The following SEZ6L variants were observed in gnomAD, a reference collection of about 807,000 sequenced individuals.
SEZ6L encodes the protein seizure related 6 homolog like.
SEZ6L carries 37 observed loss-of-function variants against 106.2 expected under a neutral mutation model. The ratio of observed to expected loss-of-function variants is 0.35; its 90% confidence interval spans 0.27 to 0.46. The LOEUF (loss-of-function observed/expected upper bound fraction) is 0.46. Ranked by LOEUF, SEZ6L falls within the 20% of genes least tolerant of loss-of-function variation. SEZ6L has a pLI of 1.00. For missense variants in SEZ6L, 1,172 were observed against 1,332.8 expected (o/e 0.88, Z 1.88); for synonymous variants, 541 against 570.4 (o/e 0.95, Z 0.73).
At chr22:26,269,566 A>C (rs1386292690) in intron 1 of SEZ6L, among the ~76,000 whole-genome samples, 1 of 152,232 alleles carries the variant, frequency 6.6e-6, no homozygotes, top group Non-Finnish European at 1.5e-5. Flanking sequence ...TCTTCGACGC[A>C]CCAGCTCCCG....
At chr22:26,352,239 A>G (rs141580516) in intron 12 of SEZ6L, among the ~76,000 whole-genome samples, 1 of 152,104 alleles carries the variant, frequency 6.6e-6, no homozygotes, top group East Asian at 1.9e-4. Flanking sequence ...GTCATTGCAT[A>G]AGGAAAGCAT....
intron 1 of SEZ6L, among the ~76,000 whole-genome samples, chr22:26,179,634 A>C (rs1412509401): frequency 6.6e-6 from 1 of 152,168 alleles, no homozygotes; most frequent in Non-Finnish European, 1.5e-5. Context: ...TAGAACAAAG[A>C]CTCATTCAGG....
intron 1 of SEZ6L, among the ~76,000 whole-genome samples, chr22:26,224,635 A>G (rs2078582836): frequency 6.6e-6 from 1 of 152,194 alleles, no homozygotes; most frequent in Admixed American, 6.5e-5. Context: ...CAGAGGTTTG[A>G]CATAGGATTA....
At position 26,381,132 on chromosome 22, in the gene SEZ6L, CA is replaced by C. The variant is rs1160610694; in HGVS notation, c.*838del. On this transcript the variant is annotated 3_prime_UTR_variant, in exon 17 of 17. Coordinates refer to ENST00000248933, the MANE Select transcript of SEZ6L (RefSeq NM_021115.5). ...TTATGCTACAAGTGCCAGAATCGAT[CA>C]CCATGTTCAGCAAGCCACTCTCAAG... 2.0e-5 allele frequency: 3 copies of C among 152,054 alleles called. No homozygotes were observed. The highest frequency in any genetic ancestry group is 4.4e-5 in the Non-Finnish European group (3 of 68,012). The allele number at this position is 152,054 out of a possible 1,614,324, so 9.4% of individuals were successfully genotyped here.
Position 26,292,529 on chromosome 22 carries a change from C to T in SEZ6L, c.218C>T (p.Ser73Phe). The T allele has an allele frequency of 1.2e-6, 2 of 1,613,886 alleles. No homozygotes were observed. The change falls in exon 2 of 17, where the codon TCC becomes TTC. Residue 73 changes from serine (S) to phenylalanine (F), a missense_variant. This residue lies in a region of SEZ6L where 494 missense variants were observed against 445.8 expected (regional missense o/e 1.11). Coordinates refer to ENST00000248933, the MANE Select transcript of SEZ6L (RefSeq NM_021115.5). ...AGAGTGGTAACAGCGCCCCCCAGTT[C>T]CTCACAGTCGGCGGAAGTGCTGGGC... ...EERVVTAPPS[S>F]SQSAEVLGEL...
chr22:26,328,527 T>C (rs901808957), intron 9 of SEZ6L, among the ~76,000 whole-genome samples: 1 of 152,180 alleles, frequency 6.6e-6, no homozygotes, highest in Non-Finnish European at 1.5e-5. Context: ...GACAGCCGTC[T>C]TTGTAGGCAA....
chr22:26,309,909 A>G (rs1211496217), intron 6 of SEZ6L, among the ~76,000 whole-genome samples: 2 of 89,574 alleles, frequency 2.2e-5, no homozygotes, highest in Non-Finnish European at 5.3e-5. Context: ...TACCCATTTT[A>G]CAGATGAGAA....
chr22:26,364,776 A>G (rs1328060456), intron 12 of SEZ6L: 1 of 153,558 alleles, frequency 6.5e-6, no homozygotes, highest in African/African-American at 2.4e-5. Context: ...GGAGAAACTA[A>G]GAAGACTGAC....
chr22:26,319,969 T>C (rs1434856081), intron 9 of SEZ6L, among the ~76,000 whole-genome samples: 1 of 152,102 alleles, frequency 6.6e-6, no homozygotes, highest in South Asian at 2.1e-4. Flanking sequence ...GTCAGAAAAA[T>C]ATGGAAAGAC....
Position 26,292,876 on chromosome 22 carries a change from A to C in SEZ6L, c.565A>C (p.Lys189Gln). Residue 189 changes from lysine to glutamine, a missense_variant, in exon 2 of 17, where the codon AAG becomes CAG. Physicochemically the swap from Lys to Gln is moderately conservative, Grantham distance 53. Around this residue, in one of 4 missense-constraint regions of SEZ6L, gnomAD observed 494 missense variants for 445.8 expected, o/e 1.11. Transcript: ENST00000248933. ...ASEVPLWLDR[K>Q]ESAVPTTPAP... ...AGAAGTGCCCCTTTGGCTGGACCGA[A>C]AGGAGAGTGCGGTCCCTACAACACC... is the stretch of plus-strand genomic sequence containing the variant. The C allele has an allele frequency of 6.2e-7, 1 of 1,614,138 alleles. No homozygotes were observed. Among genetic ancestry groups the C allele is most frequent in the Non-Finnish European group, 8.5e-7 (1 of 1,180,000 alleles).
intron 12 of SEZ6L, among the ~76,000 whole-genome samples, chr22:26,354,866 C>T (rs2083390535): frequency 1.3e-5 from 2 of 152,160 alleles, no homozygotes; most frequent in Non-Finnish European, 2.9e-5. Flanking sequence ...CTAATGAGTT[C>T]ACGAGCCACG....
At chr22:26,316,892 G>GA (rs1229794374) in intron 9 of SEZ6L, among the ~76,000 whole-genome samples, 2 of 103,676 alleles carry the variant, frequency 1.9e-5, no homozygotes, top group African/African-American at 7.4e-5. Context: ...AAGAAAGAAA[G>GA]AGAAAGAAAG....
At chr22:26,307,271 C>T (rs182806216) in intron 6 of SEZ6L, among the ~76,000 whole-genome samples, 239 of 152,250 alleles carry the variant, frequency 1.6e-3, no homozygotes, top group African/African-American at 5.7e-3. Flanking sequence ...TTCTCAGAGA[C>T]TTGTGGTCAG....
At chr22:26,274,230 T>G (rs1270866812) in intron 1 of SEZ6L, among the ~76,000 whole-genome samples, 1 of 152,166 alleles carries the variant, frequency 6.6e-6, no homozygotes, top group Non-Finnish European at 1.5e-5. Context: ...CCAGAGATGT[T>G]GAGAGGAGCA....
In SEZ6L at chr22:26,306,026, T is replaced by A. The variant is rs1245430767; in HGVS notation, c.1396T>A (p.Ser466Thr). Residue 466 changes from serine to threonine, a missense_variant, in exon 6 of 17, where the codon TCC (serine) becomes ACC (threonine). Physicochemically the swap from Ser to Thr is moderately conservative, Grantham distance 58. Around this residue, in one of 4 missense-constraint regions of SEZ6L, gnomAD observed 534 missense variants for 691.0 expected, o/e 0.77. Transcript: ENST00000248933. ...VHNATIGRVL[S>T]PSYPENTNGS... ...CAATGCCACCATCGGCCGCGTCCTC[T>A]CCCCAAGTTACCCTGAAAACACAAA... is the stretch of plus-strand genomic sequence containing the variant. 1 of 1,561,516 alleles carries A rather than the reference T, an allele frequency of 6.4e-7. No homozygotes were observed. Among genetic ancestry groups the A allele is most frequent in the African/African-American group, 1.4e-5 (1 of 73,224 alleles).
intron 1 of SEZ6L, among the ~76,000 whole-genome samples, chr22:26,270,463 G>GTGT (rs2080327712): frequency 2.1e-5 from 3 of 146,264 alleles, no homozygotes; most frequent in Admixed American, 6.8e-5. Context: ...AATTGTGAGG[G>GTGT]GTGTGTGTGT....
chr22:26,238,407 C>T (rs1569408353), intron 1 of SEZ6L, among the ~76,000 whole-genome samples: 1 of 152,204 alleles, frequency 6.6e-6, no homozygotes, highest in Non-Finnish European at 1.5e-5. Flanking sequence ...ATGAAGATGG[C>T]CTCATGACAA....
chr22:26,379,137 G>C (rs1003348431), intron 16 of SEZ6L, among the ~76,000 whole-genome samples: 2 of 152,204 alleles, frequency 1.3e-5, no homozygotes, highest in Admixed American at 1.3e-4. Context: ...CAGGTTGTTA[G>C]AATGAGGGCC....
At chr22:26,360,894 A>AAAAAACAAAAAC (rs1178739438) in intron 12 of SEZ6L, among the ~76,000 whole-genome samples, 2 of 151,344 alleles carry the variant, frequency 1.3e-5, no homozygotes, top group African/African-American at 4.8e-5. Flanking sequence ...AAAAAAAAAC[A>AAAAAACAAAAAC]AAAAACAAAA....
Sources: allele counts gnomAD v4.1 joint callset (sites outside exome capture counted in the v4.1 genomes callset), GRCh38; gene constraint gnomAD v4.1.1; regional missense constraint gnomAD v4.1.1; transcripts MANE v1.5; gene names NCBI Gene and HGNC (gene_info 2026-07-23, HGNC 2026-07-21).